The following DOCK9 variants were observed in gnomAD, a reference collection of about 807,000 sequenced individuals.
DOCK9 encodes the protein dedicator of cytokinesis 9, also known as dedicator of cytokinesis protein 9.
DOCK9 carries 89 observed loss-of-function variants against 263.3 expected under a neutral mutation model. That is an observed-to-expected ratio of 0.34 (90% CI 0.28 to 0.40). DOCK9 has a LOEUF of 0.40. Among genes scored for constraint, DOCK9 ranks in the 10% least tolerant of loss-of-function variants. DOCK9 has a pLI of 1.00. For synonymous variants in DOCK9, 976 were observed against 973.1 expected (o/e 1.00, Z -0.06); for missense variants, 2,140 against 2,603.4 (o/e 0.82, Z 3.87).
At chr13:99,061,034 T>C (rs1479859001) in intron 1 of DOCK9, among the ~76,000 whole-genome samples, 1 of 152,254 alleles carries the variant, frequency 6.6e-6, no homozygotes, top group Non-Finnish European at 1.5e-5. Context: ...ACAGTAAATA[T>C]GTTTTCACAG....
chr13:98,971,269 G>A (rs34524665), intron 1 of DOCK9, among the ~76,000 whole-genome samples: 6,899 of 152,242 alleles, frequency 0.045, 216 homozygotes, highest in Middle Eastern at 0.1. Context: ...CTGCAGCCTC[G>A]TGTTTAGCTG....
chr13:98,815,104 GTAA>G (rs1192690502), intron 45 of DOCK9, among the ~76,000 whole-genome samples: 1 of 152,034 alleles, frequency 6.6e-6, no homozygotes, highest in Non-Finnish European at 1.5e-5. Context: ...ACTTTTCTTA[GTAA>G]TATTAACGAT....
At chr13:99,041,258 T>G (rs530642396) in intron 1 of DOCK9, among the ~76,000 whole-genome samples, 1 of 152,184 alleles carries the variant, frequency 6.6e-6, no homozygotes, top group South Asian at 2.1e-4. Context: ...CCAAGGCAGG[T>G]GGATTGCTTG....
rs745323108 is a variant in DOCK9, at chr13:98,888,363, G to A, written c.1974C>T (p.Ala658=). The A allele has an allele frequency of 2.4e-5, 38 of 1,612,410 alleles. No homozygotes were observed. The Admixed American group carries it at 3.7e-4, about 16-fold the overall frequency. The stretch of plus-strand genomic sequence containing the variant: ...AAACCTCCATCTTCACACTCACCTT[G>A]GCAAAAGACTTCTGACTGTCGTATT... ...YLKYDSQKSF[A]KARNIAICIE... Residue 658 remains alanine (A), a synonymous_variant, in exon 17 of 53, where the codon GCC becomes GCT. Transcript: ENST00000682017.
At chr13:98,820,417 G>A (rs1465341382) in intron 45 of DOCK9, among the ~76,000 whole-genome samples, 1 of 152,162 alleles carries the variant, frequency 6.6e-6, no homozygotes, top group Non-Finnish European at 1.5e-5. Flanking sequence ...ACAGGAAAGG[G>A]GTCCCAATCC....
At chr13:98,809,552 AG>A in intron 46 of DOCK9, 87 bp from the exon 47 acceptor site, 1 of 1,128,194 alleles carries the variant, frequency 8.9e-7, no homozygotes, top group African/African-American at 1.6e-5. Flanking sequence ...GGAGGTGAAA[AG>A]TCCTTGAACT....
chr13:99,020,659 T>C (rs573467757), intron 1 of DOCK9, among the ~76,000 whole-genome samples: 25 of 152,296 alleles, frequency 1.6e-4, no homozygotes, highest in African/African-American at 6.0e-4. Flanking sequence ...GGTAGACGTA[T>C]TTACTACTCT....
intron 1 of DOCK9, among the ~76,000 whole-genome samples, chr13:98,962,135 C>A (rs946585699): frequency 3.9e-5 from 6 of 152,032 alleles, no homozygotes; most frequent in African/African-American, 1.5e-4. Context: ...TCTGTTCTTG[C>A]AATGAAGAAT....
At chr13:98,904,549 G>T in intron 10 of DOCK9, 83 bp downstream of exon 10, 2 of 1,081,510 alleles carry the variant, frequency 1.8e-6, no homozygotes, top group Admixed American at 3.1e-5. Context: ...AATAAACAAA[G>T]CAAACAAATA....
chr13:98,999,432 T>C (rs570881014), intron 1 of DOCK9, among the ~76,000 whole-genome samples: 14 of 152,298 alleles, frequency 9.2e-5, no homozygotes, highest in African/African-American at 3.4e-4. Context: ...CATTTCCTAA[T>C]AGAAGGATTT....
chr13:98,833,831 A>G (rs1049912874), intron 39 of DOCK9, among the ~76,000 whole-genome samples: 19 of 152,176 alleles, frequency 1.2e-4, no homozygotes, highest in African/African-American at 4.1e-4. Context: ...CTCATCACAT[A>G]GAAGGTAACA....
chr13:98,859,424 T>C (rs1423549467), intron 33 of DOCK9: 6 of 152,140 alleles, frequency 3.9e-5, no homozygotes, highest in Non-Finnish European at 8.8e-5. Context: ...CAGGATAAAT[T>C]TGGGCATTGG....
chr13:98,877,391 C>T (rs555627547), intron 27 of DOCK9, among the ~76,000 whole-genome samples: 1 of 152,194 alleles, frequency 6.6e-6, no homozygotes, highest in Non-Finnish European at 1.5e-5. Context: ...GTGTCACTGG[C>T]GCTTGATTTT....
At chr13:98,967,840 AG>A in intron 1 of DOCK9, among the ~76,000 whole-genome samples, 1 of 152,354 alleles carries the variant, frequency 6.6e-6, no homozygotes, top group Non-Finnish European at 1.5e-5. Context: ...CCAAAGAACC[AG>A]GTTTAAATGT....
intron 22 of DOCK9, 115 bp from the exon 23 acceptor site, chr13:98,883,246 T>C: frequency 1.0e-6 from 1 of 976,208 alleles, no homozygotes; most frequent in Non-Finnish European, 1.5e-6. Context: ...GTTGTTGTTG[T>C]TGTTGTTGCT....
chr13:99,022,827 A>T (rs1256761735), intron 1 of DOCK9, among the ~76,000 whole-genome samples: 3 of 152,180 alleles, frequency 2.0e-5, no homozygotes, highest in African/African-American at 7.2e-5. Context: ...ACAAGCCTGT[A>T]GGCCTGGCTA....
At chr13:98,948,610 G>C (rs1030349542) in intron 2 of DOCK9, among the ~76,000 whole-genome samples, 2 of 152,128 alleles carry the variant, frequency 1.3e-5, no homozygotes, top group African/African-American at 4.8e-5. Flanking sequence ...ATGGCATTAA[G>C]TACATTCTCA....
chr13:98,978,435 T>C (rs1875912964), upstream of DOCK9, among the ~76,000 whole-genome samples: 1 of 152,172 alleles, frequency 6.6e-6, no homozygotes. Context: ...TGGCTGATGA[T>C]TAAAGCAGGG....
At chr13:98,957,782 G>A (rs12867480) in intron 1 of DOCK9, among the ~76,000 whole-genome samples, 3,123 of 152,268 alleles carry the variant, frequency 0.021, 53 homozygotes, top group Middle Eastern at 0.037. Flanking sequence ...ACCCAAATAT[G>A]CACACAGCTT....
Sources: allele counts gnomAD v4.1 joint callset (sites outside exome capture counted in the v4.1 genomes callset), GRCh38; gene constraint gnomAD v4.1.1; transcripts MANE v1.5; gene names NCBI Gene and HGNC (gene_info 2026-07-23, HGNC 2026-07-21).